TMEM33: variants seen among roughly 807,000 people sequenced by gnomAD.
TMEM33 encodes the protein transmembrane protein 33.
TMEM33 carries 16 observed loss-of-function variants against 29.7 expected under a neutral mutation model. That is an observed-to-expected ratio of 0.54 (90% CI 0.36 to 0.82). The LOEUF is 0.82. TMEM33 is among the 40% of genes least tolerant of loss of function. The probability of loss-of-function intolerance (pLI) is 0.00; values close to 1 mark genes in which losing one functional copy is unlikely to be tolerated. For synonymous variants in TMEM33, 112 were observed against 109.4 expected (o/e 1.02, Z -0.15); for missense variants, 252 against 295.3 (o/e 0.85, Z 1.08).
chr4:41,951,592 A>G (rs1463952423), intron 6 of TMEM33, among the ~76,000 whole-genome samples: 1 of 152,218 alleles, frequency 6.6e-6, no homozygotes, highest in African/African-American at 2.4e-5. Context: ...TAAAACAGTG[A>G]TTGTATGTTG....
At chr4:41,945,619 A>G (rs1378975320) in intron 5 of TMEM33, among the ~76,000 whole-genome samples, 2 of 152,126 alleles carry the variant, frequency 1.3e-5, no homozygotes, top group Non-Finnish European at 2.9e-5. Context: ...TGTAGAACAT[A>G]TATATTATGG....
chr4:41,943,019 T>G (rs1443960027), intron 3 of TMEM33, among the ~76,000 whole-genome samples: 2 of 152,178 alleles, frequency 1.3e-5, no homozygotes, highest in Non-Finnish European at 2.9e-5. Context: ...TTAGACTCTT[T>G]CCTCAGCGTT....
intron 5 of TMEM33, among the ~76,000 whole-genome samples, chr4:41,945,362 A>G (rs890053927): frequency 1.3e-5 from 2 of 152,226 alleles, no homozygotes; most frequent in Non-Finnish European, 2.9e-5. Context: ...TTTTAAAAGT[A>G]TGAACATTAA....
At chr4:41,940,079 G>A (rs1393733890) in intron 3 of TMEM33, among the ~76,000 whole-genome samples, 1 of 104,066 alleles carries the variant, frequency 9.6e-6, no homozygotes, top group African/African-American at 4.2e-5. Flanking sequence ...TTGAGACAGA[G>A]TCTTGCTCTG....
intron 2 of TMEM33, among the ~76,000 whole-genome samples, 174 bp from the exon 3 acceptor site, chr4:41,939,022 T>G (rs1712386624): frequency 6.6e-6 from 1 of 151,912 alleles, no homozygotes; most frequent in Non-Finnish European, 1.5e-5. Context: ...TATAAGAAAT[T>G]CAGTTGGGCA....
intron 3 of TMEM33, among the ~76,000 whole-genome samples, chr4:41,941,272 T>C (rs1404048237): frequency 6.6e-6 from 1 of 152,268 alleles, no homozygotes; most frequent in Non-Finnish European, 1.5e-5. Context: ...TCACATTTGT[T>C]TGGCATATTA....
At chr4:41,948,034 A>T (rs1712870153) in intron 5 of TMEM33, among the ~76,000 whole-genome samples, 1 of 152,174 alleles carries the variant, frequency 6.6e-6, no homozygotes, top group Non-Finnish European at 1.5e-5. Flanking sequence ...ATGTGTTGTG[A>T]TATGGGATAA....
intron 2 of TMEM33, 70 bp from the exon 3 acceptor site, chr4:41,939,126 A>G (rs1712391413): frequency 1.4e-6 from 2 of 1,447,648 alleles, no homozygotes; most frequent in South Asian, 3.0e-5. Context: ...TTATGATGCA[A>G]TTCACAAAGG....
chr4:41,943,368 T>TA (rs1452158342), intron 3 of TMEM33, among the ~76,000 whole-genome samples: 1 of 151,850 alleles, frequency 6.6e-6, no homozygotes, highest in Admixed American at 6.6e-5. Flanking sequence ...CTACTAAAAA[T>TA]ACAAAAATTA....
rs1713285776 is a variant in TMEM33 at position 41,956,551 on chromosome 4, GT to G, written c.*2357del. Reference sequence around the variant, plus strand: ...AAAGATCTGTGTGTCTCTGTTTTGAGTTTTTCCTGTTTATTTTGAAAAGTAC... The same window carrying G: ...AAAGATCTGTGTGTCTCTGTTTTGAGTTTTCCTGTTTATTTTGAAAAGTAC... On this transcript the variant is annotated 3_prime_UTR_variant, in exon 7 of 7. Transcript: ENST00000504986. The G allele has an allele frequency of 6.6e-6, 1 of 151,614 alleles. No homozygotes were observed. 9.4% of individuals were successfully genotyped at this position (151,614 alleles called of 1,614,324 possible).
intron 4 of TMEM33, chr4:41,944,037 C>A: frequency 2.1e-6 from 1 of 482,746 alleles, no homozygotes; most frequent in Non-Finnish European, 3.6e-6. Context: ...AAATCACCCC[C>A]CAGTCTCCAG....
intron 1 of TMEM33, among the ~76,000 whole-genome samples, chr4:41,936,812 T>G (rs966342230): frequency 6.6e-6 from 1 of 152,222 alleles, no homozygotes; most frequent in South Asian, 2.1e-4. Context: ...AGTCCAGACA[T>G]GTTTTGCAGC....
In TMEM33 at chr4:41,955,380, C is replaced by G. The variant is rs1027243342; in HGVS notation, c.*1181C>G. ...TGTGTTAAATCCTGTTCATTGAACT[C>G]CCATCAACTCTTATAAAATTCATGC... is the stretch of plus-strand genomic sequence containing the variant. On this transcript the variant is annotated 3_prime_UTR_variant, in exon 7 of 7. Transcript: ENST00000504986. 1 of 152,322 alleles carries G rather than the reference C, an allele frequency of 6.6e-6. No homozygotes were observed. The highest frequency in any genetic ancestry group is 2.4e-5 in the African/African-American group (1 of 41,394). 9.4% of individuals were successfully genotyped at this position (152,322 alleles called of 1,614,324 possible). A position where few individuals can be genotyped will look rare whatever the true frequency, so the allele number is the denominator to read the frequency against.
chr4:41,943,692 T>G, intron 3 of TMEM33, 55 bp from the exon 4 acceptor site: 1 of 1,491,134 alleles, frequency 6.7e-7, no homozygotes, highest in African/African-American at 1.4e-5. Flanking sequence ...ATACATAGTC[T>G]GTTTTGCAGA....
Position 41,940,237 on chromosome 4 carries a change from G to C in TMEM33, c.328+854G>C, listed in dbSNP as rs554232430. Among the ~76,000 whole-genome samples the C allele has an allele frequency of 3.3e-5, 5 of 152,036 alleles. No homozygotes were observed. In the East Asian group the frequency reaches 9.6e-4, roughly 29 times the overall value. On this transcript the variant is annotated intron_variant, in intron 3 of 6. Coordinates refer to ENST00000504986, the MANE Select transcript of TMEM33 (RefSeq NM_018126.3). ...GTGTGTTGTGAAACTAAGAGAGTTA[G>C]TAGGGTTTTTTAAACTTAAATTTGT...
intron 5 of TMEM33, among the ~76,000 whole-genome samples, chr4:41,947,213 C>A (rs899020810): frequency 6.7e-6 from 1 of 148,626 alleles, no homozygotes; most frequent in Non-Finnish European, 1.5e-5. Flanking sequence ...TCCAGCCTGG[C>A]GACAGACCAA....
In TMEM33 at chr4:41,939,182, C is replaced by T; in HGVS notation, c.141-14C>T. On this transcript the variant is annotated splice_polypyrimidine_tract_variant and intron_variant, in intron 2 of 6. Transcript: ENST00000504986. ...TTTATGTCTCATGATAACCTCTCCTCTGGTAATTTGCAGGTTGCATGAAGC... is the reference window on the plus strand; with the variant it reads ...TTTATGTCTCATGATAACCTCTCCTTTGGTAATTTGCAGGTTGCATGAAGC... The T allele has an allele frequency of 6.3e-7, 1 of 1,586,608 alleles. No individual in the cohort carries two copies. The highest frequency in any genetic ancestry group is 8.5e-7 in the Non-Finnish European group (1 of 1,170,294).
chr4:41,935,396 A>C, upstream of TMEM33: 7 of 1,389,966 alleles, frequency 5.0e-6, no homozygotes, highest in Non-Finnish European at 7.0e-6. Context: ...GGAAGCCGGT[A>C]CCCGGGTCCT....
chr4:41,938,306 T>C (rs1457009408), intron 1 of TMEM33, among the ~76,000 whole-genome samples: 1 of 152,272 alleles, frequency 6.6e-6, no homozygotes, highest in Non-Finnish European at 1.5e-5. Context: ...TCTGTTAAGA[T>C]TATTTTTTCT....
Sources: gnomAD v4.1 joint callset for allele counts (sites outside exome capture counted in the v4.1 genomes callset) on GRCh38, gnomAD v4.1.1 for gene constraint, MANE v1.5 for transcripts, NCBI Gene and HGNC (gene_info 2026-07-23, HGNC 2026-07-21) for gene names.